SOX5: variants seen among roughly 807,000 people sequenced by gnomAD.
SOX5 encodes transcription factor SOX-5.
A neutral mutation model predicts 92.0 loss-of-function variants in SOX5; 9 were observed. The ratio of observed to expected loss-of-function variants is 0.10; its 90% CI spans 0.06 to 0.17. The LOEUF is 0.17. Ranked by LOEUF, SOX5 falls within the 10% of genes least tolerant of loss-of-function variation. The pLI is 1.00. For synonymous variants in SOX5, 344 were observed against 336.3 expected, an observed-to-expected ratio of 1.02 and a Z score of -0.25; for missense variants, 642 against 944.5, an observed-to-expected ratio of 0.68 and a Z score of 4.20.
intron 3 of SOX5, among the ~76,000 whole-genome samples, chr12:24,245,302 C>T (rs1050280329): frequency 4.7e-5 from 7 of 149,458 alleles, no homozygotes; most frequent in Non-Finnish European, 7.4e-5. Flanking sequence ...GTAATCCCAA[C>T]AACTAGGATA....
intron 2 of SOX5, among the ~76,000 whole-genome samples, chr12:24,282,749 C>T (rs80031885): frequency 0.014 from 2,146 of 152,230 alleles, 44 homozygotes; most frequent in African/African-American, 0.048. Context: ...AGTGCTGAGG[C>T]GCAGGGAGGT....
intron 3 of SOX5, among the ~76,000 whole-genome samples, chr12:23,772,310 C>T (rs562731182): frequency 2.6e-4 from 40 of 152,176 alleles, no homozygotes; most frequent in African/African-American, 7.9e-4. Flanking sequence ...TCTCCACTGA[C>T]GCTATTTATC....
At chr12:23,803,256 C>T (rs10842225) in intron 3 of SOX5, among the ~76,000 whole-genome samples, 46,891 of 151,954 alleles carry the variant, frequency 0.31, 7,669 homozygotes, top group East Asian at 0.61. Context: ...CCCACTGTTA[C>T]CTCAAAATCA....
chr12:23,906,584 C>T (rs2097295860), intron 1 of SOX5, among the ~76,000 whole-genome samples: 1 of 152,196 alleles, frequency 6.6e-6, no homozygotes. Context: ...AGATGCTCGG[C>T]TCCTTGTGTG....
intron 4 of SOX5, among the ~76,000 whole-genome samples, chr12:24,108,179 G>A (rs1378096363): frequency 2.0e-5 from 3 of 152,258 alleles, no homozygotes; most frequent in Non-Finnish European, 2.9e-5. Context: ...CCGTTTCAGT[G>A]ATCCAAGCTA....
rs182156491 is a variant in SOX5, at chr12:24,429,270, C to T, written c.-250-60631G>A. 6.5e-3 allele frequency among the ~76,000 whole-genome samples: 987 copies of T among 151,914 alleles called. 9 individuals are homozygous for T. The highest frequency in any genetic ancestry group is 0.05 in the East Asian group (257 of 5,126). On this transcript the variant is annotated intron_variant, in intron 1 of 4. Transcript: ENST00000446891. ...AGGCGGAGCTTGCAGTGAGCCAAGA[C>T]TGCCCCACTGCACTCCAGCCTGGGG...
rs1249592985 is a variant in SOX5 at position 23,531,343 on chromosome 12, T to TA, written c.*2875dup. Reference sequence around the variant, plus strand: ...TAACAATTTTGTTTTCCCCTTCAAATAAAACAAAATATAACAAAAAAAAGA... The same window carrying TA: ...TAACAATTTTGTTTTCCCCTTCAAATAAAAACAAAATATAACAAAAAAAAGA... On this transcript the variant is annotated 3_prime_UTR_variant, in exon 15 of 15. Coordinates refer to ENST00000451604, the MANE Select transcript of SOX5 (RefSeq NM_006940.6). The TA allele has an allele frequency of 6.6e-6, 1 of 152,058 alleles. No individual in the cohort carries two copies. 9.4% of individuals were successfully genotyped at this position (152,058 alleles called of 1,614,324 possible). A position where few individuals can be genotyped will look rare whatever the true frequency, so the allele number is the denominator to read the frequency against.
chr12:24,328,217 C>T (rs1244173935), intron 2 of SOX5, among the ~76,000 whole-genome samples: 1 of 152,168 alleles, frequency 6.6e-6, no homozygotes, highest in Admixed American at 6.5e-5. Flanking sequence ...CTAGCAAATC[C>T]TATTTCCTGA....
intron 4 of SOX5, among the ~76,000 whole-genome samples, chr12:24,001,441 G>T (rs941636911): frequency 7.2e-5 from 11 of 151,812 alleles, no homozygotes; most frequent in African/African-American, 2.4e-4. Flanking sequence ...AATAACAAAA[G>T]AAAGTTTAAA....
chr12:23,558,266 A>G (rs921692672), intron 11 of SOX5, among the ~76,000 whole-genome samples: 2 of 152,190 alleles, frequency 1.3e-5, no homozygotes, highest in Non-Finnish European at 2.9e-5. Flanking sequence ...TTCATGATCA[A>G]TTTAAAGTAG....
chr12:24,364,223 A>G (rs529411473), intron 2 of SOX5, among the ~76,000 whole-genome samples: 2 of 152,232 alleles, frequency 1.3e-5, no homozygotes, highest in East Asian at 1.9e-4. Context: ...GGGGTTCTCA[A>G]TGAAACTCAT....
rs1291677928 is a variant in SOX5 at position 24,229,666 on chromosome 12, A to G, written c.-76-16249T>C. On this transcript the variant is annotated intron_variant, in intron 3 of 4. Coordinates refer to the SOX5 transcript ENST00000446891. Reference sequence around the variant, plus strand: ...GGAACAAAAGCAGCAACACAAGAACAAAGTATATAATTCAGCCTTGGCTGT... The same window carrying G: ...GGAACAAAAGCAGCAACACAAGAACGAAGTATATAATTCAGCCTTGGCTGT... Among the ~76,000 whole-genome samples the G allele has an allele frequency of 2.0e-5, 3 of 152,232 alleles. No homozygotes were observed. The East Asian group carries it at 5.8e-4, about 29-fold the overall frequency.
chr12:23,741,677 T>C (rs1255232127), intron 4 of SOX5, among the ~76,000 whole-genome samples: 1 of 152,182 alleles, frequency 6.6e-6, no homozygotes, highest in African/African-American at 2.4e-5. Flanking sequence ...CATATGCCAA[T>C]TCAGAGTCTA....
intron 6 of SOX5, among the ~76,000 whole-genome samples, chr12:23,712,164 T>TA (rs1407268927): frequency 2.6e-5 from 4 of 152,162 alleles, no homozygotes; most frequent in Non-Finnish European, 4.4e-5. Flanking sequence ...CTTAAATCAA[T>TA]AAAAACCAGT....
At position 23,985,759 on chromosome 12, in the gene SOX5, A is replaced by G. The variant is rs1160718392; in HGVS notation, c.-1-89735T>C. Among the ~76,000 whole-genome samples the G allele has an allele frequency of 2.0e-5, 3 of 152,144 alleles. No homozygotes were observed. The East Asian group carries it at 5.8e-4, about 29-fold the overall frequency. On this transcript the variant is annotated intron_variant, in intron 4 of 4. Coordinates refer to the SOX5 transcript ENST00000446891. ...CACAAACTTCATGGCTAATAACCACAGAAACGTATTATCTTGGTGGTCAGA... is the reference window on the plus strand; with the variant it reads ...CACAAACTTCATGGCTAATAACCACGGAAACGTATTATCTTGGTGGTCAGA...
chr12:24,482,796 C>G (rs542888290), intron 1 of SOX5, among the ~76,000 whole-genome samples: 4 of 152,280 alleles, frequency 2.6e-5, no homozygotes, highest in Admixed American at 2.6e-4. Context: ...TAATGAAACA[C>G]TATGCACACT....
chr12:23,585,898 C>T (rs1265653358), intron 9 of SOX5, among the ~76,000 whole-genome samples: 1 of 152,052 alleles, frequency 6.6e-6, no homozygotes, highest in African/African-American at 2.4e-5. Flanking sequence ...CAGGTAAACC[C>T]CATTTGCATA....
intron 3 of SOX5, among the ~76,000 whole-genome samples, chr12:23,789,492 T>G (rs1300979136): frequency 1.3e-5 from 2 of 152,092 alleles, no homozygotes; most frequent in African/African-American, 4.8e-5. Flanking sequence ...GGAGAATATG[T>G]TTCTTTTTAG....
At chr12:24,330,754 T>A (rs1951211951) in intron 2 of SOX5, among the ~76,000 whole-genome samples, 1 of 152,258 alleles carries the variant, frequency 6.6e-6, no homozygotes, top group Non-Finnish European at 1.5e-5. Context: ...TGAATATGTC[T>A]GCACAGCATG....
Sources: gnomAD v4.1 joint callset for allele counts (sites outside exome capture counted in the v4.1 genomes callset) on GRCh38, gnomAD v4.1.1 for gene constraint, MANE v1.5 for transcripts, NCBI Gene and HGNC (gene_info 2026-07-23, HGNC 2026-07-21) for gene names.